The following HMCN2 variants were observed in gnomAD, a reference collection of about 807,000 sequenced individuals.
HMCN2 encodes hemicentin-2.
A neutral mutation model predicts 377.5 loss-of-function variants in HMCN2; 325 were observed. The observed-to-expected ratio is 0.86, with a 90% CI of 0.79 to 0.94. The LOEUF (loss-of-function observed/expected upper bound fraction) is 0.94, where lower values mean the gene tolerates loss of function less well. HMCN2 is among the 40% of genes least tolerant of loss of function. The pLI, the probability that HMCN2 is intolerant of heterozygous loss-of-function variation, is 0.00. For missense variants in HMCN2, 4,543 were observed against 4,725.3 expected (o/e 0.96, Z 1.13); for synonymous variants, 2,007 against 2,046.8 (o/e 0.98, Z 0.53).
rs1000610539 is a variant in HMCN2 at position 130,351,600 on chromosome 9, AC to A, written c.4585+27del. The stretch of plus-strand genomic sequence containing the variant: ...ATGGTGAGCCCCCACGCCTTCTGGG[AC>A]CCCGCCACAGGCTACTCAGGAAGCT... On this transcript the variant is annotated intron_variant, in intron 30 of 97. Transcript: ENST00000683500. This position sits in a 1 kb window ranked among gnomAD's most constrained non-coding sequence, Gnocchi z 5.4. 6 of 1,287,668 alleles carry A rather than the reference AC, an allele frequency of 4.7e-6. No individual in the cohort carries two copies. The highest frequency in any genetic ancestry group is 6.1e-6 in the Non-Finnish European group (6 of 978,566). The allele number at this position is 1,287,668 out of a possible 1,614,324, so 79.8% of individuals were successfully genotyped here.
chr9:130,408,688 C>T lies in HMCN2; in HGVS notation c.12689-55C>T. 7 of 1,234,760 alleles carry T rather than the reference C, an allele frequency of 5.7e-6. No individual in the cohort carries two copies. In the South Asian group the frequency reaches 8.0e-5, roughly 14 times the overall value. 76.5% of individuals were successfully genotyped at this position (1,234,760 alleles called of 1,614,324 possible). A position where few individuals can be genotyped will look rare whatever the true frequency, so the allele number is the denominator to read the frequency against. On this transcript the variant is annotated intron_variant, in intron 83 of 97. Transcript: ENST00000683500. ...GCAGTCCTTTGGGGTTTATGGGAGG[C>T]TGAGCCAGCAGGCAACCTCTTTTCT...
intron 48 of HMCN2, among the ~76,000 whole-genome samples, chr9:130,373,988 ATGGGTGGATGGT>A (rs1264554130): frequency 1.3e-5 from 2 of 149,952 alleles, no homozygotes; most frequent in Non-Finnish European, 3.0e-5. Flanking sequence ...GGGTGGGTGA[ATGGGTGGATGGT>A]TGGGTGGATG....
chr9:130,430,715 C>A, intron 95 of HMCN2, 111 bp downstream of exon 95: 2 of 1,036,444 alleles, frequency 1.9e-6, no homozygotes, highest in Non-Finnish European at 2.8e-6. Context: ...ACCTTCCAGG[C>A]AAGTGGGGTG....
intron 87 of HMCN2, among the ~76,000 whole-genome samples, chr9:130,424,105 C>G (rs1844177482): frequency 6.6e-6 from 1 of 151,552 alleles, no homozygotes; most frequent in Non-Finnish European, 1.5e-5. Context: ...CTTAGCCTCC[C>G]CAGTAGCTAG....
rs1841896537 is a variant in HMCN2 at position 130,384,305 on chromosome 9, T to C, written c.8831-68T>C. ...AGCTGGGTGAGGCTCAGGGTTTCTC[T>C]TGGGCTCTGTGCTCCCCTGCTGGTG... On this transcript the variant is annotated intron_variant, in intron 57 of 97. Transcript: ENST00000683500. 2.5e-6 allele frequency: 3 copies of C among 1,214,248 alleles called. No individual in the cohort carries two copies. The South Asian group carries it at 4.2e-5, about 17-fold the overall frequency. 75.2% of individuals were successfully genotyped at this position (1,214,248 alleles called of 1,614,324 possible). A position where few individuals can be genotyped will look rare whatever the true frequency, so the allele number is the denominator to read the frequency against.
Position 130,433,414 on chromosome 9 carries a change from G to C in HMCN2, c.14961G>C (p.Leu4987=). The C allele has an allele frequency of 2.0e-6, 3 of 1,492,616 alleles. No homozygotes were observed. Among genetic ancestry groups the C allele is most frequent in the Non-Finnish European group, 1.8e-6 (2 of 1,129,402 alleles). 92.5% of individuals were successfully genotyped at this position (1,492,616 alleles called of 1,614,324 possible). The change falls in exon 98 of 98, where the codon CTG becomes CTC. Residue 4987 remains leucine, a synonymous_variant. Transcript: ENST00000683500. The part of the protein sequence containing the change: ...TGGPSTLQYR[L]LPLPLGVRAH... ...GCCCCTCTACGCTGCAGTACCGGCT[G>C]CTGCCGCTGCCCCTGGGCGTGCGCG...
Position 130,428,409 on chromosome 9 carries a change from G to T in HMCN2, c.14117G>T (p.Cys4706Phe). Residue 4706 changes from cysteine to phenylalanine, a missense_variant, in exon 93 of 98, where the codon TGT (cysteine) becomes TTT (phenylalanine). Cys to Phe is a radical substitution (Grantham distance 205). Coordinates refer to ENST00000683500, the MANE Select transcript of HMCN2 (RefSeq NM_001291815.2). This position sits in a 1 kb window ranked among gnomAD's most constrained non-coding sequence, Gnocchi z 5.0. Reference protein sequence around the residue: ...DAHLCREGQRCVNLLGSYRCL... With the variant: ...DAHLCREGQRFVNLLGSYRCL... ...CACCTCTGCCGAGAGGGACAGCGCT[G>T]TGTGAACCTGCTCGGGTCCTACCGC... 6.5e-7 allele frequency: 1 copy of T among 1,547,762 alleles called. No individual in the cohort carries two copies.
At position 130,373,707 on chromosome 9, in the gene HMCN2, A is replaced by G. The variant is rs148740661; in HGVS notation, c.7438+583A>G. On this transcript the variant is annotated intron_variant, in intron 48 of 97. Transcript: ENST00000683500. ...TGGATGGATAGATGGATGGATAGGT[A>G]GATGGATGGATGGATGGATGGATAG... Among the ~76,000 whole-genome samples the G allele has an allele frequency of 4.7e-4, 54 of 115,406 alleles. 1 individual carries two copies. The highest frequency in any genetic ancestry group is 1.5e-3 in the African/African-American group (46 of 31,462). The allele number at this position is 115,406 out of a possible 152,430, so 75.7% of individuals were successfully genotyped here. A position where few individuals can be genotyped will look rare whatever the true frequency, so the allele number is the denominator to read the frequency against.
chr9:130,301,393 A>G (rs1382935069), intron 8 of HMCN2, among the ~76,000 whole-genome samples: 2 of 152,178 alleles, frequency 1.3e-5, no homozygotes, highest in African/African-American at 2.4e-5. Context: ...TCAGCTCTAG[A>G]TTAAAGTTGG....
Position 130,286,185 on chromosome 9 carries a change from C to T in HMCN2, c.490-3C>T, listed in dbSNP as rs1835402328. ...GAGAGCAGGCTGCACGTCCATCTTC[C>T]AGGTGGTCTTTGTGCTGACGGGGGA... On this transcript the variant is annotated splice_region_variant and splice_polypyrimidine_tract_variant and intron_variant, in intron 3 of 97. Transcript: ENST00000683500. 2.1e-6 allele frequency: 1 copy of T among 470,798 alleles called. No homozygotes were observed. The allele number at this position is 470,798 out of a possible 1,614,324, so 29.2% of individuals were successfully genotyped here.
intron 43 of HMCN2, 77 bp from the exon 44 acceptor site, chr9:130,368,199 G>A (rs1840799222): frequency 1.1e-6 from 1 of 910,340 alleles, no homozygotes; most frequent in Non-Finnish European, 1.3e-6. Flanking sequence ...TGGGTAGGAG[G>A]ACAAACTTTC....
chr9:130,280,149 TG>T (rs139205129), intron 1 of HMCN2, among the ~76,000 whole-genome samples: 67,438 of 121,364 alleles, frequency 0.56, 19,200 homozygotes, highest in African/African-American at 0.77. Context: ...TGTGTGTGTG[TG>T]TTTTTTTTTT....
chr9:130,349,509 C>G, intron 28 of HMCN2, 28 bp from the exon 29 acceptor site: 1 of 1,300,422 alleles, frequency 7.7e-7, no homozygotes, highest in South Asian at 1.2e-5. Context: ...TGAACAGTTT[C>G]CCACCCCTCA....
At position 130,403,321 on chromosome 9, in the gene HMCN2, C is replaced by T. The variant is rs1017024019; in HGVS notation, c.12006C>T (p.Val4002=). ...TITWQKEGLN[V]ATGVSTQVLP... ...CCTGGCAGAAGGAAGGGCTCAACGT[C>T]GCTACTGGTGAGGGCCCCTGGCAGC... Residue 4002 remains valine, a synonymous_variant, in exon 79 of 98, where the codon GTC becomes GTT. Transcript: ENST00000683500. 81 of 1,289,758 alleles carry T rather than the reference C, an allele frequency of 6.3e-5. No homozygotes were observed. Among genetic ancestry groups the T allele is most frequent in the Non-Finnish European group, 7.3e-5 (72 of 988,894 alleles). 79.9% of individuals were successfully genotyped at this position (1,289,758 alleles called of 1,614,324 possible). A position where few individuals can be genotyped will look rare whatever the true frequency, so the allele number is the denominator to read the frequency against.
At chr9:130,432,291 C>G (rs1826043097) in intron 96 of HMCN2, 138 bp from the exon 97 acceptor site, 1 of 773,010 alleles carries the variant, frequency 1.3e-6, no homozygotes, top group Admixed American at 2.1e-5. Flanking sequence ...GGTCATGGGT[C>G]AGACTGGCTG....
Position 130,395,081 on chromosome 9 carries a change from G to A in HMCN2, c.10747G>A (p.Glu3583Lys), listed in dbSNP as rs1317951369. 2.4e-6 allele frequency: 3 copies of A among 1,275,204 alleles called. No homozygotes were observed. The highest frequency in any genetic ancestry group is 3.0e-6 in the Non-Finnish European group (3 of 984,958). 79.0% of individuals were successfully genotyped at this position (1,275,204 alleles called of 1,614,324 possible). The stretch of plus-strand genomic sequence containing the variant: ...GGCTGAAAGCCCTGCAGGTGCAATT[G>A]AGAAGAGCTTCCGGGTCAGGGTTCA... Reference protein sequence around the residue: ...CLAESPAGAIEKSFRVRVQAP... With the variant: ...CLAESPAGAIKKSFRVRVQAP... Residue 3583 changes from glutamate (E) to lysine (K), a missense_variant, in exon 70 of 98, where the codon GAG becomes AAG. Around this residue, in one of 5 missense-constraint regions of HMCN2, gnomAD observed 1,073 missense variants for 1,319.5 expected, o/e 0.81. Coordinates refer to ENST00000683500, the MANE Select transcript of HMCN2 (RefSeq NM_001291815.2).
chr9:130,298,135 G>A (rs565374991), intron 7 of HMCN2, among the ~76,000 whole-genome samples: 2 of 152,142 alleles, frequency 1.3e-5, no homozygotes, highest in African/African-American at 2.4e-5. Context: ...TGTATTTTTA[G>A]TAGAGACAGG....
chr9:130,317,597 C>T (rs909852772), intron 15 of HMCN2, among the ~76,000 whole-genome samples: 136 of 151,194 alleles, frequency 9.0e-4, no homozygotes, highest in African/African-American at 3.2e-3. Flanking sequence ...TGGGTTCAAG[C>T]GATTCTCCTG....
intron 66 of HMCN2, among the ~76,000 whole-genome samples, chr9:130,392,741 T>TA (rs1290168258): frequency 7.0e-6 from 1 of 142,270 alleles, no homozygotes; most frequent in Non-Finnish European, 1.6e-5. Context: ...CTCACGCCTG[T>TA]AATCCAGCAC....
Sources: gnomAD v4.1 joint callset for allele counts (sites outside exome capture counted in the v4.1 genomes callset) on GRCh38, gnomAD v4.1.1 for gene constraint, gnomAD v4.1.1 regional missense constraint, Gnocchi (gnomAD v3.1) non-coding constraint, MANE v1.5 for transcripts, NCBI Gene and HGNC (gene_info 2026-07-23, HGNC 2026-07-21) for gene names.